Variants in TMEM243 observed in about 807,000 individuals in gnomAD.
The protein encoded by TMEM243 is MDR1 and mitochondrial taxol resistance associated.
In TMEM243, 20 loss-of-function variants were observed where a neutral mutation model predicts 15.0. That is an observed-to-expected ratio of 1.33 (90% CI 0.94 to 1.93). TMEM243 has a LOEUF of 1.93. TMEM243 is among the 30% of genes most tolerant of loss of function. The pLI is 0.00. For synonymous variants in TMEM243, 72 were observed against 52.7 expected (o/e 1.37, Z -1.59); for missense variants, 156 against 142.1 (o/e 1.10, Z -0.50).
intron 1 of TMEM243, among the ~76,000 whole-genome samples, chr7:87,214,841 A>C (rs1239087118): frequency 6.6e-6 from 1 of 152,236 alleles, no homozygotes; most frequent in Non-Finnish European, 1.5e-5. Flanking sequence ...GGGGTGGGAC[A>C]CAAGTCTAAG....
intron 1 of TMEM243, among the ~76,000 whole-genome samples, chr7:87,203,431 A>G (rs758943478): frequency 1.3e-5 from 2 of 151,890 alleles, no homozygotes; most frequent in Non-Finnish European, 2.9e-5. Flanking sequence ...TGAGAAAAAT[A>G]CTGAGACCTT....
At chr7:87,198,077 C>T (rs751322592) in intron 2 of TMEM243, 32 bp from the exon 3 acceptor site, 1 of 1,571,352 alleles carries the variant, frequency 6.4e-7, no homozygotes, top group South Asian at 1.1e-5. Context: ...AAGGCCTTAA[C>T]AGTAATTCCA....
intron 1 of TMEM243, among the ~76,000 whole-genome samples, chr7:87,201,529 T>A (rs1801808917): frequency 6.6e-6 from 1 of 152,178 alleles, no homozygotes; most frequent in South Asian, 2.1e-4. Flanking sequence ...AGAGATTATT[T>A]TTCAGGGTTT....
At chr7:87,200,431 G>C (rs971596688) in intron 1 of TMEM243, among the ~76,000 whole-genome samples, 3 of 152,134 alleles carry the variant, frequency 2.0e-5, no homozygotes, top group African/African-American at 7.2e-5. Context: ...AATGTGTAGA[G>C]AGACAAAATC....
At chr7:87,208,093 T>C (rs1393348994) in intron 1 of TMEM243, among the ~76,000 whole-genome samples, 2 of 152,096 alleles carry the variant, frequency 1.3e-5, no homozygotes, top group African/African-American at 2.4e-5. Flanking sequence ...AGCCAAACCA[T>C]ATAATTTCAT....
rs570893458 is a variant in TMEM243, at chr7:87,209,734, CAGTG to C, written c.78+9688_78+9691del. ...AGCGAGACACAGTGAGAGCGAGACA[CAGTG>C]AGAGCGAGACACAGAGCGAGACAGT... On this transcript the variant is annotated intron_variant, in intron 1 of 3. Transcript: ENST00000257637. 3.1e-3 allele frequency among the ~76,000 whole-genome samples: 387 copies of C among 123,544 alleles called. 9 individuals carry two copies. The highest frequency in any genetic ancestry group is 0.012 in the African/African-American group (353 of 30,038). The allele number at this position is 123,544 out of a possible 152,430, so 81.0% of individuals were successfully genotyped here.
In TMEM243 at chr7:87,219,590, T is replaced by G. The variant is rs1011000169; in HGVS notation, c.-87A>C. 3 of 1,194,622 alleles carry G rather than the reference T, an allele frequency of 2.5e-6. No homozygotes were observed. The highest frequency in any genetic ancestry group is 3.9e-5 in the Admixed American group (2 of 51,608). 74.0% of individuals were successfully genotyped at this position (1,194,622 alleles called of 1,614,324 possible). On this transcript the variant is annotated 5_prime_UTR_variant, in exon 1 of 4. Coordinates refer to ENST00000257637, the MANE Select transcript of TMEM243 (RefSeq NM_024315.4). ...CTCAGGTCCACGACTGCAAGCCTCC[T>G]CCTCACGGCTCCCGCATAGCCGAAC...
Position 87,219,612 on chromosome 7 carries a change from G to T in TMEM243, c.-109C>A. On this transcript the variant is annotated 5_prime_UTR_variant, in exon 1 of 4. Coordinates refer to ENST00000257637, the MANE Select transcript of TMEM243 (RefSeq NM_024315.4). ...TCCTCCTCACGGCTCCCGCATAGCC[G>T]AACCCGAGTGGTCGGGGAAGCGCTG... 2.0e-6 allele frequency: 2 copies of T among 985,450 alleles called. No individual in the cohort carries two copies. Among genetic ancestry groups the T allele is most frequent in the South Asian group, 1.4e-5 (1 of 69,430 alleles). 61.0% of individuals were successfully genotyped at this position (985,450 alleles called of 1,614,324 possible).
intron 2 of TMEM243, 33 bp from the exon 3 acceptor site, chr7:87,198,078 A>C: frequency 6.4e-7 from 1 of 1,565,446 alleles, no homozygotes; most frequent in Non-Finnish European, 8.8e-7. Context: ...AGGCCTTAAC[A>C]GTAATTCCAA....
chr7:87,209,625 T>A (rs1470289317), intron 1 of TMEM243, among the ~76,000 whole-genome samples: 28 of 77,664 alleles, frequency 3.6e-4, no homozygotes, highest in East Asian at 7.7e-4. Flanking sequence ...AGAGAGAGAC[T>A]GAGATAGAGA....
chr7:87,217,543 T>C (rs935919715), intron 1 of TMEM243, among the ~76,000 whole-genome samples: 1 of 152,222 alleles, frequency 6.6e-6, no homozygotes, highest in Non-Finnish European at 1.5e-5. Context: ...AGATACATGT[T>C]TTCTCCCACC....
At chr7:87,201,563 C>T (rs1207816307) in intron 1 of TMEM243, among the ~76,000 whole-genome samples, 2 of 152,196 alleles carry the variant, frequency 1.3e-5, no homozygotes, top group East Asian at 3.8e-4. Context: ...AGCTCCCAAT[C>T]TCCAAAGAGG....
upstream of TMEM243, chr7:87,219,835 C>G (rs984076423): frequency 5.7e-6 from 2 of 351,786 alleles, no homozygotes; most frequent in Middle Eastern, 8.0e-4. Flanking sequence ...TGGCTCTCCG[C>G]CCCTCTGGGC....
chr7:87,196,792 T>A, intron 3 of TMEM243, 34 bp from the exon 4 acceptor site: 1 of 1,433,036 alleles, frequency 7.0e-7, no homozygotes, highest in East Asian at 2.5e-5. Context: ...AAATTAAAAT[T>A]TGAAATATAA....
At chr7:87,197,405 C>CTTTG (rs1425226303) in intron 3 of TMEM243, among the ~76,000 whole-genome samples, 2 of 152,090 alleles carry the variant, frequency 1.3e-5, no homozygotes, top group Non-Finnish European at 2.9e-5. Flanking sequence ...CCACCACCAT[C>CTTTG]TTTGTTTCTT....
intron 1 of TMEM243, among the ~76,000 whole-genome samples, chr7:87,207,907 C>G (rs954867974): frequency 1.3e-5 from 2 of 152,160 alleles, no homozygotes; most frequent in Non-Finnish European, 2.9e-5. Flanking sequence ...CAAACTGCAT[C>G]CTAACAGAGC....
At chr7:87,206,457 G>A (rs1011611458) in intron 1 of TMEM243, among the ~76,000 whole-genome samples, 9 of 152,128 alleles carry the variant, frequency 5.9e-5, no homozygotes, top group South Asian at 2.1e-4. Context: ...CCCCCTTACC[G>A]GCAGGGGATA....
chr7:87,197,079 GACTCATGATTCATAC>G (rs1801343812), intron 3 of TMEM243, among the ~76,000 whole-genome samples: 1 of 152,084 alleles, frequency 6.6e-6, no homozygotes, highest in South Asian at 2.1e-4. Flanking sequence ...ACAACATTTA[GACTCATGATTCATAC>G]AGTTGGTTCA....
At chr7:87,209,826 G>C (rs1299346134) in intron 1 of TMEM243, among the ~76,000 whole-genome samples, 1 of 145,074 alleles carries the variant, frequency 6.9e-6, no homozygotes, top group Non-Finnish European at 1.5e-5. Context: ...GAGAGCGAGA[G>C]ACAGTGAGAG....
Sources: allele counts gnomAD v4.1 joint callset (sites outside exome capture counted in the v4.1 genomes callset), GRCh38; gene constraint gnomAD v4.1.1; transcripts MANE v1.5; gene names NCBI Gene and HGNC (gene_info 2026-07-23, HGNC 2026-07-21).